DRC10: variants seen among roughly 807,000 people sequenced by gnomAD.
DRC10 encodes the protein IQ domain-containing protein D.
chr12:113,217,566 C>G, the DRC10 span, among the ~76,000 whole-genome samples: 3 of 152,232 alleles, frequency 2.0e-5, no homozygotes, highest in Non-Finnish European at 4.4e-5. Flanking sequence ...GAGTCTCGCT[C>G]TGTCGCCCAG....
At chr12:113,215,358 G>C in the DRC10 span, among the ~76,000 whole-genome samples, 6 of 152,182 alleles carry the variant, frequency 3.9e-5, no homozygotes, top group Non-Finnish European at 7.3e-5. Flanking sequence ...TTGCTCAAAA[G>C]TGTTACGCTT....
chr12:113,200,479 C>T, the DRC10 span: 1 of 965,914 alleles, frequency 1.0e-6, no homozygotes, highest in Non-Finnish European at 1.6e-6. Context: ...TGCAGTCCTG[C>T]CCTGCCCAAC....
chr12:113,197,717 G>A, the DRC10 span: 34 of 728,324 alleles, frequency 4.7e-5, no homozygotes, highest in South Asian at 3.4e-4. Context: ...GACATGCCTC[G>A]CCTATTGAAC....
chr12:113,206,298 C>T, the DRC10 span, among the ~76,000 whole-genome samples: 8 of 152,042 alleles, frequency 5.3e-5, no homozygotes, highest in African/African-American at 1.4e-4. Flanking sequence ...CTTGGCATAC[C>T]TGAACCGGTC....
At chr12:113,199,230 C>T in the DRC10 span, among the ~76,000 whole-genome samples, 12 of 152,220 alleles carry the variant, frequency 7.9e-5, no homozygotes, top group Non-Finnish European at 1.2e-4. Context: ...AGCCACTGCT[C>T]CCAGCCAATA....
At chr12:113,213,973 C>A in the DRC10 span, among the ~76,000 whole-genome samples, 619 of 151,772 alleles carry the variant, frequency 4.1e-3, 7 homozygotes, top group Middle Eastern at 0.062. Context: ...AACAAAAAAA[C>A]CAAGGTCTTG....
At chr12:113,216,013 T>C in the DRC10 span, among the ~76,000 whole-genome samples, 1 of 152,170 alleles carries the variant, frequency 6.6e-6, no homozygotes. Flanking sequence ...CTCCTTGGTG[T>C]TTACCCAAAG....
At chr12:113,213,608 A>G in the DRC10 span, among the ~76,000 whole-genome samples, 1 of 152,236 alleles carries the variant, frequency 6.6e-6, no homozygotes, top group Admixed American at 6.5e-5. Context: ...GTTTACAGCT[A>G]GGAAGTGACA....
the DRC10 span, among the ~76,000 whole-genome samples, chr12:113,198,582 C>T: frequency 7.9e-5 from 12 of 152,048 alleles, no homozygotes; most frequent in African/African-American, 2.9e-4. Flanking sequence ...TAGGTGAATC[C>T]ACAGAGACAG....
the DRC10 span, among the ~76,000 whole-genome samples, chr12:113,209,547 T>C: frequency 6.6e-6 from 1 of 152,152 alleles, no homozygotes; most frequent in African/African-American, 2.4e-5. Flanking sequence ...GCTCGATGCC[T>C]AGCTAATTTT....
chr12:113,207,515 G>A, the DRC10 span: 1 of 1,613,934 alleles, frequency 6.2e-7, no homozygotes, highest in Non-Finnish European at 8.5e-7. Flanking sequence ...TTACTATTCT[G>A]TCTACTGATA....
At chr12:113,202,385 G>A in the DRC10 span, among the ~76,000 whole-genome samples, 1 of 152,104 alleles carries the variant, frequency 6.6e-6, no homozygotes, top group Non-Finnish European at 1.5e-5. Context: ...GCACCAGGGA[G>A]GGGGCTGTGA....
the DRC10 span, among the ~76,000 whole-genome samples, chr12:113,203,701 C>A: frequency 3.9e-5 from 6 of 151,922 alleles, no homozygotes; most frequent in South Asian, 1.2e-3. Flanking sequence ...GTCTCGAACT[C>A]CTGACCTTAG....
the DRC10 span, among the ~76,000 whole-genome samples, chr12:113,204,849 A>C: frequency 6.6e-6 from 1 of 152,130 alleles, no homozygotes; most frequent in Non-Finnish European, 1.5e-5. Flanking sequence ...GAATCACTTG[A>C]ACCTGGGAGG....
the DRC10 span, among the ~76,000 whole-genome samples, chr12:113,214,279 C>A: frequency 6.6e-6 from 1 of 152,006 alleles, no homozygotes; most frequent in South Asian, 2.1e-4. Flanking sequence ...GAGGCCGAGG[C>A]AGGTGGATCA....
the DRC10 span, among the ~76,000 whole-genome samples, chr12:113,205,928 A>C: frequency 3.0e-4 from 42 of 138,108 alleles, no homozygotes; most frequent in African/African-American, 1.1e-3. Context: ...AAAAAAAGAA[A>C]TCAATAGGCC....
At chr12:113,217,241 CCCT>C in the DRC10 span, among the ~76,000 whole-genome samples, 5 of 152,270 alleles carry the variant, frequency 3.3e-5, no homozygotes, top group East Asian at 9.6e-4. Context: ...CAATGGCTAC[CCCT>C]CCTCAGACTG....
the DRC10 span, among the ~76,000 whole-genome samples, chr12:113,215,296 G>A: frequency 1.3e-5 from 2 of 152,126 alleles, no homozygotes; most frequent in South Asian, 2.1e-4. Flanking sequence ...AAGCCTTGAC[G>A]TTCTACCTGT....
the DRC10 span, among the ~76,000 whole-genome samples, chr12:113,197,954 C>T: frequency 1.3e-5 from 2 of 152,320 alleles, no homozygotes; most frequent in South Asian, 2.1e-4. Context: ...TGGTGGCTTA[C>T]GCCTGTAATC....
Sources: gnomAD v4.1 joint callset for allele counts (sites outside exome capture counted in the v4.1 genomes callset) on GRCh38, gnomAD v4.1.1 for gene constraint, MANE v1.5 for transcripts, NCBI Gene and HGNC (gene_info 2026-07-23, HGNC 2026-07-21) for gene names.